The following DUSP6 variants were observed in gnomAD, a reference collection of about 807,000 sequenced individuals.
DUSP6 encodes the protein dual specificity phosphatase 6.
DUSP6 carries 6 observed loss-of-function variants against 28.0 expected under a neutral mutation model. The observed-to-expected ratio is 0.21, with a 90% confidence interval of 0.12 to 0.42. The LOEUF (loss-of-function observed/expected upper bound fraction) is 0.42. Among genes scored for constraint, DUSP6 ranks in the 10% least tolerant of loss-of-function variants. The pLI, the probability that DUSP6 is intolerant of heterozygous loss-of-function variation, is 1.00. For missense variants in DUSP6, 451 were observed against 498.1 expected, an observed-to-expected ratio of 0.91 and a Z score of 0.90; for synonymous variants, 252 against 217.5, an observed-to-expected ratio of 1.16 and a Z score of -1.40.
rs1222147855 is a variant in DUSP6 at position 89,352,114 on chromosome 12, G to C, written c.-75C>G. On this transcript the variant is annotated 5_prime_UTR_variant, in exon 1 of 3. Coordinates refer to ENST00000279488, the MANE Select transcript of DUSP6 (RefSeq NM_001946.4). ...GGCAGGCATAGGCCGAGCGCACCGC[G>C]CGCGAAGCTGCCGCTCTCGGAGCGG... The C allele has an allele frequency of 3.9e-6, 6 of 1,528,880 alleles. No homozygotes were observed. Among genetic ancestry groups the C allele is most frequent in the Non-Finnish European group, 5.3e-6 (6 of 1,137,574 alleles). The allele number at this position is 1,528,880 out of a possible 1,614,324, so 94.7% of individuals were successfully genotyped here. A position where few individuals can be genotyped will look rare whatever the true frequency, so the allele number is the denominator to read the frequency against.
intron 1 of DUSP6, 127 bp from the exon 2 acceptor site, chr12:89,351,152 C>T (rs1879172013): frequency 2.0e-6 from 2 of 1,018,224 alleles, no homozygotes; most frequent in South Asian, 1.7e-5. Flanking sequence ...ACAGAACCAT[C>T]TATAAGAGAA....
intron 2 of DUSP6, 91 bp from the exon 3 acceptor site, chr12:89,349,652 T>A: frequency 1.0e-6 from 1 of 965,470 alleles, no homozygotes; most frequent in Non-Finnish European, 1.5e-6. Context: ...GAAAACATAA[T>A]AATAATAATA....
intron 1 of DUSP6, 200 bp downstream of exon 1, chr12:89,351,440 G>T: frequency 1.1e-6 from 1 of 905,740 alleles, no homozygotes; most frequent in Non-Finnish European, 1.6e-6. Context: ...CCGGAAGCGA[G>T]TGGATTCTGA....
rs760626772 is a variant in DUSP6, at chr12:89,352,281, A to C, written c.-242T>G. ...TGAATCTCTCTCAATGAAGCTGCCC[A>C]GATAGTTTTTGTTCCTCCCCAGTGA... On this transcript the variant is annotated 5_prime_UTR_variant, in exon 1 of 3. Coordinates refer to ENST00000279488, the MANE Select transcript of DUSP6 (RefSeq NM_001946.4). 9 of 576,928 alleles carry C rather than the reference A, an allele frequency of 1.6e-5. No individual in the cohort carries two copies. The highest frequency in any genetic ancestry group is 1.5e-4 in the African/African-American group (8 of 53,628). The allele number at this position is 576,928 out of a possible 1,614,324, so 35.7% of individuals were successfully genotyped here.
intron 1 of DUSP6, chr12:89,351,404 TAGAA>T: frequency 6.0e-6 from 4 of 666,892 alleles, no homozygotes; most frequent in Non-Finnish European, 7.4e-6. Context: ...CAGAACCCGT[TAGAA>T]AGAAACCGCC....
At position 89,348,405 on chromosome 12, in the gene DUSP6, T is replaced by A. The variant is rs1023666208; in HGVS notation, c.*849A>T. On this transcript the variant is annotated 3_prime_UTR_variant, in exon 3 of 3. Coordinates refer to ENST00000279488, the MANE Select transcript of DUSP6 (RefSeq NM_001946.4). ...ATGATTTGGTGTCTTTCCCAGATTA[T>A]CCCCTTTGCGACAACACAAGCAAAA... The A allele has an allele frequency of 3.3e-5, 5 of 152,480 alleles. No homozygotes were observed. The highest frequency in any genetic ancestry group is 1.2e-4 in the African/African-American group (5 of 41,378). The allele number at this position is 152,480 out of a possible 1,614,324, so 9.4% of individuals were successfully genotyped here.
chr12:89,351,942 C>A lies in DUSP6; in HGVS notation c.98G>T (p.Arg33Leu). ...CGGCCGGCAGTCCATCAGCAGCAGC[C>A]GCTCGTTGCCCAGCTCCAGCTGCTC... ...LNEQLELGNE[R>L]LLLMDCRPQE... Residue 33 changes from arginine to leucine, a missense_variant, in exon 1 of 3, where the codon CGG becomes CTG. By Grantham distance (102) the Arg-to-Leu change is moderately radical. Transcript: ENST00000279488. The A allele has an allele frequency of 6.2e-7, 1 of 1,613,008 alleles. No homozygotes were observed. Among genetic ancestry groups the A allele is most frequent in the Non-Finnish European group, 8.5e-7 (1 of 1,179,956 alleles).
intron 1 of DUSP6, 24 bp downstream of exon 1, chr12:89,351,616 G>A (rs748453854): frequency 3.8e-6 from 6 of 1,576,018 alleles, no homozygotes; most frequent in Non-Finnish European, 5.2e-6. Flanking sequence ...CCTGCCCCGC[G>A]CGCGGAGTTC....
rs775794238 is a variant in DUSP6 at position 89,352,342 on chromosome 12, G to C, written c.-303C>G. On this transcript the variant is annotated 5_prime_UTR_variant, in exon 1 of 3. Coordinates refer to ENST00000279488, the MANE Select transcript of DUSP6 (RefSeq NM_001946.4). ...ATTAATTCGGACTCCGTGCTACTGA[G>C]AGGGGAGGAAAAAAAGTCTAGCGGC... 17 of 400,078 alleles carry C rather than the reference G, an allele frequency of 4.2e-5. No homozygotes were observed. Among genetic ancestry groups the C allele is most frequent in the Non-Finnish European group, 6.8e-5 (15 of 219,120 alleles). 24.8% of individuals were successfully genotyped at this position (400,078 alleles called of 1,614,324 possible).
chr12:89,350,528 T>C lies in DUSP6; in HGVS notation c.838+60A>G, dbSNP rs113682541. The C allele has an allele frequency of 8.7e-5, 131 of 1,512,950 alleles. No individual in the cohort carries two copies. The African/African-American group carries it at 1.7e-3, about 19-fold the overall frequency. 93.7% of individuals were successfully genotyped at this position (1,512,950 alleles called of 1,614,324 possible). On this transcript the variant is annotated intron_variant, in intron 2 of 2. Transcript: ENST00000279488. ...CAAGAACGATTAACAGCTTAAACTC[T>C]ATGAATGGCTAGGAATTTTGCATTT...
At chr12:89,351,475 A>G in intron 1 of DUSP6, 165 bp downstream of exon 1, 1 of 1,185,990 alleles carries the variant, frequency 8.4e-7, no homozygotes, top group South Asian at 1.7e-5. Context: ...CTGGTGCGGA[A>G]CGCGCGGTTC....
At chr12:89,351,579 C>T (rs1463521770) in intron 1 of DUSP6, 61 bp downstream of exon 1, 2 of 1,492,430 alleles carry the variant, frequency 1.3e-6, no homozygotes, top group Non-Finnish European at 1.8e-6. Flanking sequence ...AATCCACGCG[C>T]CCCGCCCGCA....
rs151167473 is a variant in DUSP6, at chr12:89,348,777, C to CA, written c.*476dup. The CA allele has an allele frequency of 1.3e-5, 2 of 153,534 alleles. No homozygotes were observed. The highest frequency in any genetic ancestry group is 4.8e-5 in the African/African-American group (2 of 41,588). The allele number at this position is 153,534 out of a possible 1,614,324, so 9.5% of individuals were successfully genotyped here. On this transcript the variant is annotated 3_prime_UTR_variant, in exon 3 of 3. Transcript: ENST00000279488. ...TATTTACAATAATCAAATGGAGTAT[C>CA]AGATTTTTTTTTCCAAACTGATACC... is the stretch of plus-strand genomic sequence containing the variant.
intron 1 of DUSP6, 30 bp downstream of exon 1, chr12:89,351,609 GC>G: frequency 6.4e-7 from 1 of 1,569,540 alleles, no homozygotes; most frequent in South Asian, 1.2e-5. Context: ...CCCTAGCCCT[GC>G]CCCGCGCGCG....
Position 89,349,413 on chromosome 12 carries a change from G to A in DUSP6, c.987C>T (p.Asn329=). 6.2e-7 allele frequency: 1 copy of A among 1,614,164 alleles called. No individual in the cohort carries two copies. The highest frequency in any genetic ancestry group is 8.5e-7 in the Non-Finnish European group (1 of 1,180,014). The stretch of plus-strand genomic sequence containing the variant: ...CCATGAAGTTGAAGTTAGGGGATAT[G>A]TTGGATTTTTTCATTTTGACAATGT... ...AYDIVKMKKS[N]ISPNFNFMGQ... The change falls in exon 3 of 3, where the codon AAC becomes AAT. Residue 329 remains asparagine (N), a synonymous_variant. Coordinates refer to ENST00000279488, the MANE Select transcript of DUSP6 (RefSeq NM_001946.4).
rs770988656 is a variant in DUSP6 at position 89,349,579 on chromosome 12, A to C, written c.839-18T>G. The C allele has an allele frequency of 6.3e-7, 1 of 1,590,072 alleles. No homozygotes were observed. ...GGCTTCATCTGTGAACACAAAAAGA[A>C]AAGCAAGATCTCAGCAGACTGAAAA... is the stretch of plus-strand genomic sequence containing the variant. On this transcript the variant is annotated intron_variant, in intron 2 of 2. Transcript: ENST00000279488.
Position 89,349,467 on chromosome 12 carries a change from C to G in DUSP6, c.933G>C (p.Lys311Asn). The G allele has an allele frequency of 6.2e-7, 1 of 1,614,134 alleles. No individual in the cohort carries two copies. The highest frequency in any genetic ancestry group is 8.5e-7 in the Non-Finnish European group (1 of 1,179,986). The change falls in exon 3 of 3, where the codon AAG becomes AAC. Residue 311 changes from lysine to asparagine, a missense_variant. Physicochemically the swap from Lys to Asn is moderately conservative, Grantham distance 94. Coordinates refer to ENST00000279488, the MANE Select transcript of DUSP6 (RefSeq NM_001946.4). ...VTVTVAYLMQ[K>N]LNLSMNDAYD... is the part of the protein sequence containing the mutation. The stretch of plus-strand genomic sequence containing the variant: ...AGGCATCGTTCATCGACAGATTGAG[C>G]TTCTGCATAAGGTAAGCCACAGTCA...
rs773931541 is a variant in DUSP6, at chr12:89,349,335, G to C, written c.1065C>G (p.Asn355Lys). Residue 355 changes from asparagine (N) to lysine (K), a missense_variant, in exon 3 of 3, where the codon AAC becomes AAG. Transcript: ENST00000279488. Reference protein sequence around the residue: ...RTLGLSSPCDNRVPAQQLYFT... With the variant: ...RTLGLSSPCDKRVPAQQLYFT... ...AATACAGCTGCTGTGCTGGAACCCT[G>C]TTGTCACATGGGCTGCTGAGTCCCA... 6.2e-7 allele frequency: 1 copy of C among 1,614,214 alleles called. No homozygotes were observed.
Position 89,352,205 on chromosome 12 carries a change from A to G in DUSP6, c.-166T>C. The stretch of plus-strand genomic sequence containing the variant: ...GTTGGGGCAGACGAGACAGAAGTAA[A>G]GCCGGAGGTTCTCTCTGCACCCAGC... On this transcript the variant is annotated 5_prime_UTR_variant, in exon 1 of 3. Transcript: ENST00000279488. 1.9e-6 allele frequency: 2 copies of G among 1,039,796 alleles called. No homozygotes were observed. Among genetic ancestry groups the G allele is most frequent in the Non-Finnish European group, 2.7e-6 (2 of 730,250 alleles). The allele number at this position is 1,039,796 out of a possible 1,614,324, so 64.4% of individuals were successfully genotyped here. A position where few individuals can be genotyped will look rare whatever the true frequency, so the allele number is the denominator to read the frequency against.
Sources: allele counts gnomAD v4.1 joint callset, GRCh38; gene constraint gnomAD v4.1.1; transcripts MANE v1.5; gene names NCBI Gene and HGNC (gene_info 2026-07-23, HGNC 2026-07-21).